The following SBF1 variants were observed in gnomAD, a reference collection of about 807,000 sequenced individuals.
SBF1 encodes the protein myotubularin-related protein 5.
Under a neutral mutation model 215.8 loss-of-function variants are expected in SBF1, and 65 were observed. The observed-to-expected ratio is 0.30, with a 90% confidence interval of 0.25 to 0.37. SBF1 has a LOEUF of 0.37. SBF1 is among the 10% of genes least tolerant of loss of function. The probability of loss-of-function intolerance (pLI) is 1.00; values close to 1 mark genes in which losing one functional copy is unlikely to be tolerated. For missense variants in SBF1, 2,634 were observed against 2,667.8 expected (o/e 0.99, Z 0.28); for synonymous variants, 1,410 against 1,122.8 (o/e 1.26, Z -5.11).
At chr22:50,461,323 G>A (rs2067499383) in intron 22 of SBF1, 37 bp from the exon 23 acceptor site, 17 of 1,418,764 alleles carry the variant, frequency 1.2e-5, no homozygotes, top group Non-Finnish European at 1.5e-5. Context: ...AGCAAGGAAG[G>A]TAAGGGGGGG....
In SBF1 at chr22:50,446,818, TCTC is replaced by T. The variant is rs764944316; in HGVS notation, c.*321_*323del. 5 of 632,656 alleles carry T rather than the reference TCTC, an allele frequency of 7.9e-6. No individual in the cohort carries two copies. Among genetic ancestry groups the T allele is most frequent in the Middle Eastern group, 5.0e-4 (2 of 3,974 alleles). The allele number at this position is 632,656 out of a possible 1,614,324, so 39.2% of individuals were successfully genotyped here. On this transcript the variant is annotated 3_prime_UTR_variant, in exon 41 of 41. Transcript: ENST00000380817. ...AGGCACAGGAGCGTGGCGTTAGTTCTCTCTTTATATAGACTCTGGTTCTAGAAA... is the reference window on the plus strand; with the variant it reads ...AGGCACAGGAGCGTGGCGTTAGTTCTTTTATATAGACTCTGGTTCTAGAAA...
intron 36 of SBF1, among the ~76,000 whole-genome samples, chr22:50,452,697 G>A (rs2067091527): frequency 7.7e-6 from 1 of 130,284 alleles, no homozygotes; most frequent in African/African-American, 3.0e-5. Flanking sequence ...TCTCCAGCCT[G>A]GGTGACTGAG....
At chr22:50,474,628 T>C (rs1207963925) in intron 1 of SBF1, among the ~76,000 whole-genome samples, 158 bp downstream of exon 1, 15 of 100,144 alleles carry the variant, frequency 1.5e-4, no homozygotes, top group Non-Finnish European at 2.6e-4. Context: ...CAGCCCCCGG[T>C]CCTCGGCCCT....
intron 36 of SBF1, among the ~76,000 whole-genome samples, chr22:50,449,942 C>T (rs1216800309): frequency 1.3e-5 from 2 of 152,168 alleles, no homozygotes; most frequent in African/African-American, 2.4e-5. Flanking sequence ...AGACATGGGA[C>T]CACATAAGAT....
At chr22:50,464,512 CT>C in intron 14 of SBF1, 21 bp downstream of exon 14, 1 of 1,603,712 alleles carries the variant, frequency 6.2e-7, no homozygotes, top group Non-Finnish European at 8.5e-7. Flanking sequence ...CGGGGCCTGC[CT>C]TCCCCTCCCT....
chr22:50,449,757 A>C (rs2066977177), intron 36 of SBF1, among the ~76,000 whole-genome samples: 1 of 152,124 alleles, frequency 6.6e-6, no homozygotes, highest in South Asian at 2.1e-4. Context: ...GCAACAATAA[A>C]ACTGACGGCT....
At position 50,446,477 on chromosome 22, in the gene SBF1, C is replaced by T. The variant is rs2066821878; in HGVS notation, c.*665G>A. ...CTTCTGGGGTCAAATGACCACCCACCCTTTCACCCCCAAGCCTCTGTGAGG... is the reference window on the plus strand; with the variant it reads ...CTTCTGGGGTCAAATGACCACCCACTCTTTCACCCCCAAGCCTCTGTGAGG... On this transcript the variant is annotated 3_prime_UTR_variant, in exon 41 of 41. Transcript: ENST00000380817. The T allele has an allele frequency of 5.0e-6, 1 of 200,158 alleles. No homozygotes were observed. Among genetic ancestry groups the T allele is most frequent in the Admixed American group, 5.5e-5 (1 of 18,264 alleles). 12.4% of individuals were successfully genotyped at this position (200,158 alleles called of 1,614,324 possible). A position where few individuals can be genotyped will look rare whatever the true frequency, so the allele number is the denominator to read the frequency against.
chr22:50,471,940 C>A (rs1306026376), intron 1 of SBF1, among the ~76,000 whole-genome samples: 2 of 152,238 alleles, frequency 1.3e-5, no homozygotes, highest in African/African-American at 4.8e-5. Context: ...AGCCCCTCCT[C>A]CCAGGCAGAT....
At position 50,459,616 on chromosome 22, in the gene SBF1, T is replaced by C. The variant is rs1243641180; in HGVS notation, c.3542A>G (p.Gln1181Arg). ...VPQSVQDNAL[Q>R]RVSRCYRQNR... is the part of the protein sequence containing the mutation. The stretch of plus-strand genomic sequence containing the variant: ...CTGGCGGTAGCAGCGGGACACGCGC[T>C]GCAGGGCGTTGTCCTGGACACTCTG... The change falls in exon 27 of 41, where the codon CAG becomes CGG. Residue 1181 changes from glutamine (Q) to arginine (R), a missense_variant. Physicochemically the swap from Gln to Arg is conservative, Grantham distance 43. Coordinates refer to ENST00000380817, the MANE Select transcript of SBF1 (RefSeq NM_002972.4). The C allele has an allele frequency of 6.2e-7, 1 of 1,609,842 alleles. No homozygotes were observed. The highest frequency in any genetic ancestry group is 8.5e-7 in the Non-Finnish European group (1 of 1,178,922).
intron 36 of SBF1, 56 bp from the exon 37 acceptor site, chr22:50,448,706 C>A (rs117845086): frequency 7.2e-7 from 1 of 1,394,346 alleles, no homozygotes; most frequent in Non-Finnish European, 1.0e-6. Flanking sequence ...GACTAGAGCA[C>A]GAAAAGACAA....
At position 50,462,508 on chromosome 22, in the gene SBF1, G is replaced by A. The variant is rs1027284241; in HGVS notation, c.2128-35C>T. The A allele has an allele frequency of 3.4e-5, 55 of 1,611,240 alleles. No homozygotes were observed. In the Middle Eastern group the frequency reaches 5.0e-4, roughly 15 times the overall value. On this transcript the variant is annotated intron_variant, in intron 18 of 40. Coordinates refer to ENST00000380817, the MANE Select transcript of SBF1 (RefSeq NM_002972.4). ...CACCACACGCATGAGCCGGGGCCAC[G>A]CTGCCCCAGCCCCTAGCCCCCAGCC...
At position 50,447,147 on chromosome 22, in the gene SBF1, C is replaced by T. The variant is rs1037891565; in HGVS notation, c.5677G>A (p.Ala1893Thr). 3 of 1,611,704 alleles carry T rather than the reference C, an allele frequency of 1.9e-6. No individual in the cohort carries two copies. Among genetic ancestry groups the T allele is most frequent in the African/African-American group, 2.7e-5 (2 of 75,014 alleles). The stretch of plus-strand genomic sequence containing the variant: ...GCCGGGCAGGGCTGGGAGGCTCAGG[C>T]GTCCGACAGGCAGCTCTGGATCCGG... ...VDRIQSCLSDA is the reference protein window; with the variant it reads ...VDRIQSCLSDT The change falls in exon 41 of 41, where the codon GCC becomes ACC. Residue 1893 changes from alanine to threonine, a missense_variant. Physicochemically the swap from Ala to Thr is moderately conservative, Grantham distance 58. Coordinates refer to ENST00000380817, the MANE Select transcript of SBF1 (RefSeq NM_002972.4).
Position 50,464,667 on chromosome 22 carries a change from C to A in SBF1, c.1503G>T (p.Val501=), listed in dbSNP as rs570805636. The change falls in exon 14 of 41, where the codon GTG becomes GTT. Residue 501 remains valine, a synonymous_variant. Coordinates refer to ENST00000380817, the MANE Select transcript of SBF1 (RefSeq NM_002972.4). The part of the protein sequence containing the change: ...RPGESSHLRR[V]PRPFPRLDEG... Reference sequence around the variant, plus strand: ...CATCCAGCCGGGGGAAGGGTCGGGGCACCCGTCGCAGGTGGCTGCTCTCAC... The same window carrying A: ...CATCCAGCCGGGGGAAGGGTCGGGGAACCCGTCGCAGGTGGCTGCTCTCAC... 9 of 1,607,868 alleles carry A rather than the reference C, an allele frequency of 5.6e-6. No homozygotes were observed. The East Asian group carries it at 2.0e-4, about 36-fold the overall frequency.
In SBF1 at chr22:50,447,614, A is replaced by G; in HGVS notation, c.5364-5T>C. 1 of 1,605,098 alleles carries G rather than the reference A, an allele frequency of 6.2e-7. No homozygotes were observed. Among genetic ancestry groups the G allele is most frequent in the African/African-American group, 1.3e-5 (1 of 74,648 alleles). ...TACAGAGTGCCCTCGTAGGACCTGC[A>G]TTTCCAGCAGAACCAGGGCCAGGCT... On this transcript the variant is annotated splice_region_variant and splice_polypyrimidine_tract_variant and intron_variant, in intron 38 of 40. Coordinates refer to ENST00000380817, the MANE Select transcript of SBF1 (RefSeq NM_002972.4).
At position 50,456,637 on chromosome 22, in the gene SBF1, C is replaced by A; in HGVS notation, c.3941G>T (p.Ser1314Ile). Reference protein sequence around the residue: ...WGSVRTSGRSSGLGTDVGSRL... With the variant: ...WGSVRTSGRSIGLGTDVGSRL... ...GGAGCCCACATCGGTGCCAAGGCCA[C>A]TGCTGCGTCCACTGGTCCGGACACT... Residue 1314 changes from serine (S) to isoleucine (I), a missense_variant, in exon 30 of 41, where the codon AGT becomes ATT. Coordinates refer to ENST00000380817, the MANE Select transcript of SBF1 (RefSeq NM_002972.4). 6.6e-7 allele frequency: 1 copy of A among 1,507,864 alleles called. No homozygotes were observed. Among genetic ancestry groups the A allele is most frequent in the Admixed American group, 2.3e-5 (1 of 44,382 alleles). The allele number at this position is 1,507,864 out of a possible 1,614,324, so 93.4% of individuals were successfully genotyped here.
rs933629569 is a variant in SBF1 at position 50,446,316 on chromosome 22, G to A, written c.*826C>T. 3 of 148,306 alleles carry A rather than the reference G, an allele frequency of 2.0e-5. No homozygotes were observed. In the Admixed American group the frequency reaches 2.0e-4, roughly 10 times the overall value. The allele number at this position is 148,306 out of a possible 1,614,324, so 9.2% of individuals were successfully genotyped here. ...AGATGCTGCTCGTTGCCTGGCAGGA[G>A]CCAGATGTGGTCAACCTGCATTCCC... On this transcript the variant is annotated 3_prime_UTR_variant, in exon 41 of 41. Transcript: ENST00000380817.
chr22:50,465,901 T>C (rs1442298174), intron 9 of SBF1, 60 bp downstream of exon 9: 2 of 1,609,202 alleles, frequency 1.2e-6, no homozygotes, highest in Non-Finnish European at 1.7e-6. Flanking sequence ...CTCCCCGTGC[T>C]GCCAGGTAGC....
chr22:50,455,453 G>A, intron 32 of SBF1, 28 bp downstream of exon 32: 2 of 1,612,154 alleles, frequency 1.2e-6, no homozygotes, highest in Non-Finnish European at 1.7e-6. Context: ...CGGGAGCCTG[G>A]CCCACCCCAG....
Position 50,460,330 on chromosome 22 carries a change from G to T in SBF1, c.3225C>A (p.Pro1075=), listed in dbSNP as rs918356971. ...GCTGGCCCCGGTGCTCCCAGCTGGG[G>T]GGGTTGTACTTCTTGCGAGTGACAT... is the stretch of plus-strand genomic sequence containing the variant. ...RQHVTRKKYN[P]PSWEHRGQPP... Residue 1075 remains proline (P), a synonymous_variant, in exon 25 of 41, where the codon CCC becomes CCA. Coordinates refer to ENST00000380817, the MANE Select transcript of SBF1 (RefSeq NM_002972.4). The T allele has an allele frequency of 1.5e-5, 25 of 1,613,342 alleles. No homozygotes were observed. The highest frequency in any genetic ancestry group is 2.1e-5 in the Non-Finnish European group (25 of 1,179,546).
Sources: gnomAD v4.1 joint callset for allele counts (sites outside exome capture counted in the v4.1 genomes callset) on GRCh38, gnomAD v4.1.1 for gene constraint, MANE v1.5 for transcripts, NCBI Gene and HGNC (gene_info 2026-07-23, HGNC 2026-07-21) for gene names.